The following MMD2 variants were observed in gnomAD, a reference collection of about 807,000 sequenced individuals.
MMD2 encodes the protein monocyte to macrophage differentiation factor 2.
In MMD2, 30 loss-of-function variants were observed where a neutral mutation model predicts 33.5. The ratio of observed to expected loss-of-function variants is 0.90; its 90% CI spans 0.67 to 1.22. The LOEUF (loss-of-function observed/expected upper bound fraction) is 1.22. Among genes scored for constraint, MMD2 ranks in the 50% most tolerant of loss-of-function variants. The pLI is 0.00. For missense variants in MMD2, 364 were observed against 325.4 expected (o/e 1.12, Z -0.91); for synonymous variants, 129 against 123.0 (o/e 1.05, Z -0.32).
At chr7:4,920,935 C>G (rs985263715) in intron 2 of MMD2, among the ~76,000 whole-genome samples, 12 of 152,202 alleles carry the variant, frequency 7.9e-5, no homozygotes, top group Admixed American at 7.9e-4. Flanking sequence ...CCAGGCTGGT[C>G]TTGAACTCCT....
downstream of MMD2, among the ~76,000 whole-genome samples, chr7:4,905,039 G>T (rs1583350317): frequency 6.6e-6 from 1 of 152,196 alleles, no homozygotes; most frequent in African/African-American, 2.4e-5. The surrounding 1 kb of genome is among the most constrained non-coding windows in gnomAD (Gnocchi z 5.0). Context: ...GTTCCCACCA[G>T]TGGGACCAGC....
chr7:4,947,987 C>T (rs1276921244), intron 1 of MMD2, among the ~76,000 whole-genome samples: 3 of 152,106 alleles, frequency 2.0e-5, no homozygotes, highest in South Asian at 2.1e-4. Context: ...CGTGAGCCAC[C>T]GCGCCCGGCC....
intron 1 of MMD2, among the ~76,000 whole-genome samples, chr7:4,949,449 C>A (rs1318913025): frequency 6.6e-6 from 1 of 151,884 alleles, no homozygotes; most frequent in Non-Finnish European, 1.5e-5. Context: ...TCTTTCTGTG[C>A]CTGGCTTATT....
chr7:4,942,335 T>G (rs77622830), intron 1 of MMD2, among the ~76,000 whole-genome samples: 2 of 151,694 alleles, frequency 1.3e-5, no homozygotes, highest in South Asian at 4.2e-4. Context: ...CCTGGCCTCA[T>G]GTGATTCTCC....
At position 4,959,057 on chromosome 7, in the gene MMD2, G is replaced by A. The variant is rs1041553528; in HGVS notation, c.-40C>T. On this transcript the variant is annotated 5_prime_UTR_variant, in exon 1 of 7. Coordinates refer to ENST00000401401, the MANE Select transcript of MMD2 (RefSeq NM_198403.4). The stretch of plus-strand genomic sequence containing the variant: ...GGGAATCTGGCCCCGGGCTCAGAGC[G>A]CGGGTAGCTGGCAGAGCCTGGGGGG... The A allele has an allele frequency of 8.0e-7, 1 of 1,247,314 alleles. No homozygotes were observed. The highest frequency in any genetic ancestry group is 1.0e-6 in the Non-Finnish European group (1 of 987,220). The allele number at this position is 1,247,314 out of a possible 1,614,324, so 77.3% of individuals were successfully genotyped here. A position where few individuals can be genotyped will look rare whatever the true frequency, so the allele number is the denominator to read the frequency against.
At chr7:4,914,983 T>A (rs1785104969) in intron 4 of MMD2, among the ~76,000 whole-genome samples, 3 of 151,992 alleles carry the variant, frequency 2.0e-5, no homozygotes, top group African/African-American at 7.2e-5. Flanking sequence ...ATATATACTT[T>A]TAAAATGTGG....
At chr7:4,928,654 G>A (rs1234242673) in intron 1 of MMD2, among the ~76,000 whole-genome samples, 1 of 150,264 alleles carries the variant, frequency 6.7e-6, no homozygotes, top group African/African-American at 2.5e-5. Flanking sequence ...AGCTCATGGA[G>A]CATTTATTAA....
chr7:4,928,125 C>T lies in MMD2; in HGVS notation c.48-2593G>A, dbSNP rs117397120. ...CAGGCTCGGAATCAGCTCACCTGGA[C>T]GTTGCCAAGCAGCAGCCACCCAATG... On this transcript the variant is annotated intron_variant, in intron 1 of 6. Coordinates refer to ENST00000401401, the MANE Select transcript of MMD2 (RefSeq NM_198403.4). Among the ~76,000 whole-genome samples, 427 of 152,272 alleles carry T rather than the reference C, an allele frequency of 2.8e-3. 1 individual carries two copies. Among genetic ancestry groups the T allele is most frequent in the Non-Finnish European group, 4.2e-3 (284 of 68,026 alleles).
intron 5 of MMD2, among the ~76,000 whole-genome samples, chr7:4,910,694 T>C (rs1445600994): frequency 6.6e-6 from 1 of 152,052 alleles, no homozygotes; most frequent in Admixed American, 6.6e-5. Flanking sequence ...AGTGGCACGC[T>C]CTCAGCTTGC....
chr7:4,914,162 A>C (rs1785085621), intron 4 of MMD2, among the ~76,000 whole-genome samples: 2 of 151,032 alleles, frequency 1.3e-5, no homozygotes, highest in Middle Eastern at 3.4e-3. Flanking sequence ...TCTTTCAAAA[A>C]CTCCTCATGG....
Position 4,940,546 on chromosome 7 carries a change from G to C in MMD2, c.48-15014C>G, listed in dbSNP as rs370545370. ...ACGCAGGGCCAAGTTGGCCCCGGCC[G>C]TGCTAAGCCTCTCTCCCCCTCTCCG... On this transcript the variant is annotated intron_variant, in intron 1 of 6. Transcript: ENST00000401401. This position sits in a 1 kb window ranked among gnomAD's most constrained non-coding sequence, Gnocchi z 5.0. Among the ~76,000 whole-genome samples, 157 of 152,322 alleles carry C rather than the reference G, an allele frequency of 1.0e-3. 1 individual carries two copies. Among genetic ancestry groups the C allele is most frequent in the African/African-American group, 3.7e-3 (152 of 41,580 alleles).
chr7:4,944,460 G>A (rs990422900), intron 1 of MMD2, among the ~76,000 whole-genome samples: 13 of 152,124 alleles, frequency 8.5e-5, no homozygotes, highest in African/African-American at 2.9e-4. Context: ...CCCACCCCAC[G>A]CTGGATCTGT....
In MMD2 at chr7:4,932,336, C is replaced by T. The variant is rs141487227; in HGVS notation, c.48-6804G>A. 3.9e-5 allele frequency among the ~76,000 whole-genome samples: 6 copies of T among 152,228 alleles called. No homozygotes were observed. The East Asian group carries it at 5.8e-4, about 15-fold the overall frequency. The stretch of plus-strand genomic sequence containing the variant: ...CGAGCACTTTCCCTTTAACTCCTTG[C>T]GACCTCATTTCTTTCCTCCCTAAAC... On this transcript the variant is annotated intron_variant, in intron 1 of 6. Coordinates refer to ENST00000401401, the MANE Select transcript of MMD2 (RefSeq NM_198403.4).
the MMD2 span, among the ~76,000 whole-genome samples, chr7:4,896,292 C>A: frequency 6.6e-6 from 1 of 152,036 alleles, no homozygotes; most frequent in Non-Finnish European, 1.5e-5. Flanking sequence ...CCAGCCTGGG[C>A]AACATGGTGA....
chr7:4,894,076 C>CA, the MMD2 span, among the ~76,000 whole-genome samples: 1 of 152,120 alleles, frequency 6.6e-6, no homozygotes, highest in African/African-American at 2.4e-5. The surrounding 1 kb of genome is among the most constrained non-coding windows in gnomAD (Gnocchi z 4.3). Flanking sequence ...CAGTAGATCT[C>CA]AGTCTTTTTT....
At chr7:4,902,477 A>T (rs1040893689), downstream of MMD2, among the ~76,000 whole-genome samples, 1 of 152,178 alleles carries the variant, frequency 6.6e-6, no homozygotes, top group East Asian at 1.9e-4. Context: ...TAATATCAGC[A>T]AATTATCCTT....
chr7:4,928,451 C>A (rs1303749221), intron 1 of MMD2, among the ~76,000 whole-genome samples: 2 of 150,048 alleles, frequency 1.3e-5, no homozygotes, highest in Non-Finnish European at 3.0e-5. Flanking sequence ...ATTTGTTAAG[C>A]ACCTCCTGTA....
intron 2 of MMD2, among the ~76,000 whole-genome samples, chr7:4,923,271 T>C (rs974595890): frequency 6.6e-6 from 1 of 152,044 alleles, no homozygotes; most frequent in Non-Finnish European, 1.5e-5. Context: ...ACCTGGCTAA[T>C]TTTTGTATTT....
intron 1 of MMD2, among the ~76,000 whole-genome samples, chr7:4,947,023 C>G (rs1004231046): frequency 6.6e-6 from 1 of 152,088 alleles, no homozygotes; most frequent in African/African-American, 2.4e-5. Context: ...ACGTGGCCAA[C>G]TTGGTGAAAC....
Sources: allele counts gnomAD v4.1 joint callset (sites outside exome capture counted in the v4.1 genomes callset), GRCh38; gene constraint gnomAD v4.1.1; non-coding constraint Gnocchi (gnomAD v3.1); transcripts MANE v1.5; gene names NCBI Gene and HGNC (gene_info 2026-07-23, HGNC 2026-07-21).